Variants in TCF7L1 observed in about 807,000 individuals in gnomAD.
TCF7L1 encodes the protein transcription factor 7-like 1.
TCF7L1 carries 18 observed loss-of-function variants against 63.7 expected under a neutral mutation model. The observed-to-expected ratio is 0.28, with a 90% CI of 0.20 to 0.42. The LOEUF is 0.42. TCF7L1 is among the 10% of genes least tolerant of loss of function. The pLI, the probability that TCF7L1 is intolerant of heterozygous loss-of-function variation, is 1.00. For missense variants in TCF7L1, 654 were observed against 779.3 expected, an observed-to-expected ratio of 0.84 and a Z score of 1.91; for synonymous variants, 355 against 340.9, an observed-to-expected ratio of 1.04 and a Z score of -0.46.
Position 85,255,643 on chromosome 2 carries a change from C to T in TCF7L1, c.442-27852C>T, listed in dbSNP as rs114790924. Reference sequence around the variant, plus strand: ...TCTGCGAGGCCTGCCTAAGGCTGCCCTCTGCCTTCCCAGCCCTTCAGTCCC... The same window carrying T: ...TCTGCGAGGCCTGCCTAAGGCTGCCTTCTGCCTTCCCAGCCCTTCAGTCCC... On this transcript the variant is annotated intron_variant, in intron 3 of 11. Transcript: ENST00000282111. Among the ~76,000 whole-genome samples, 6 of 152,322 alleles carry T rather than the reference C, an allele frequency of 3.9e-5. No homozygotes were observed. In the East Asian group the frequency reaches 7.7e-4, roughly 20 times the overall value.
At chr2:85,224,011 C>A (rs911716475) in intron 3 of TCF7L1, among the ~76,000 whole-genome samples, 20 of 152,284 alleles carry the variant, frequency 1.3e-4, no homozygotes, top group Middle Eastern at 6.8e-3. Context: ...TTGTTCAACT[C>A]CCACCTATGA....
chr2:85,233,162 G>A (rs1680120744), intron 3 of TCF7L1: 1 of 151,980 alleles, frequency 6.6e-6, no homozygotes, highest in South Asian at 2.1e-4. Flanking sequence ...TTGAACTCCT[G>A]GGCTCAAGAG....
intron 3 of TCF7L1, among the ~76,000 whole-genome samples, chr2:85,267,613 C>T (rs1681008705): frequency 2.0e-5 from 3 of 147,566 alleles, no homozygotes; most frequent in Admixed American, 1.4e-4. Context: ...CGCACCATTG[C>T]ACTCCAACCT....
At chr2:85,273,690 G>A (rs1203778817) in intron 3 of TCF7L1, among the ~76,000 whole-genome samples, 2 of 152,212 alleles carry the variant, frequency 1.3e-5, no homozygotes, top group African/African-American at 4.8e-5. Context: ...GCGACACGGT[G>A]AGTGTTCAAG....
intron 3 of TCF7L1, among the ~76,000 whole-genome samples, chr2:85,216,260 CT>C (rs771590582): frequency 2.4e-4 from 36 of 152,108 alleles, no homozygotes; most frequent in Non-Finnish European, 4.1e-4. Flanking sequence ...CTCCGGGCAG[CT>C]TTTTTCCCCC....
chr2:85,239,116 G>A (rs540965924), intron 3 of TCF7L1, among the ~76,000 whole-genome samples: 1 of 152,236 alleles, frequency 6.6e-6, no homozygotes, highest in South Asian at 2.1e-4. Flanking sequence ...TAACTGTGTA[G>A]AATTTAACTG....
intron 3 of TCF7L1, among the ~76,000 whole-genome samples, chr2:85,254,142 C>G (rs1451691385): frequency 6.6e-6 from 1 of 152,274 alleles, no homozygotes; most frequent in African/African-American, 2.4e-5. Context: ...CTCGCATCAT[C>G]TCATTAGGGA....
At chr2:85,277,994 T>C (rs1035894671) in intron 3 of TCF7L1, among the ~76,000 whole-genome samples, 7 of 152,234 alleles carry the variant, frequency 4.6e-5, no homozygotes, top group African/African-American at 1.7e-4. Flanking sequence ...TTGGCAGTCC[T>C]GCCTCTGTAC....
chr2:85,237,447 G>A (rs1056679619), intron 3 of TCF7L1, among the ~76,000 whole-genome samples: 1 of 152,132 alleles, frequency 6.6e-6, no homozygotes, highest in African/African-American at 2.4e-5. Context: ...ACAGTGTGGA[G>A]CAGCTGCTCC....
intron 3 of TCF7L1, among the ~76,000 whole-genome samples, chr2:85,238,720 G>A (rs1450678207): frequency 6.6e-6 from 1 of 152,102 alleles, no homozygotes; most frequent in Non-Finnish European, 1.5e-5. Flanking sequence ...AGCACAGTGG[G>A]GTAGTATCTG....
In TCF7L1 at chr2:85,219,314, G is replaced by A. The variant is rs759390488; in HGVS notation, c.442-64181G>A. ...GTTTGTTAATAAATGACACATTTGC[G>A]TATTATATTGAGGAATGATTTGGCA... On this transcript the variant is annotated intron_variant, in intron 3 of 11. Coordinates refer to ENST00000282111, the MANE Select transcript of TCF7L1 (RefSeq NM_031283.3). Among the ~76,000 whole-genome samples, 4 of 152,138 alleles carry A rather than the reference G, an allele frequency of 2.6e-5. No homozygotes were observed. In the South Asian group the frequency reaches 6.2e-4, roughly 24 times the overall value.
rs66697146 is a variant in TCF7L1, at chr2:85,153,340, A to ATTTTTTTTTTTTTTTTTTTTTTTTTTTTT, written c.441+18909_441+18910insTTTTTTTTTTTTTTTTTTTTTTTTTTTTT. The stretch of plus-strand genomic sequence containing the variant: ...TTCATGATCTTGCTAGCCTTTATAA[A>ATTTTTTTTTTTTTTTTTTTTTTTTTTTTT]TTTTTTTTTTTTTTTTTTTGAGATG... On this transcript the variant is annotated intron_variant, in intron 3 of 11. Coordinates refer to ENST00000282111, the MANE Select transcript of TCF7L1 (RefSeq NM_031283.3). Among the ~76,000 whole-genome samples the ATTTTTTTTTTTTTTTTTTTTTTTTTTTTT allele has an allele frequency of 1.1e-4, 11 of 102,272 alleles. 1 individual carries two copies. The highest frequency in any genetic ancestry group is 4.2e-4 in the African/African-American group (10 of 23,754). 67.1% of individuals were successfully genotyped at this position (102,272 alleles called of 152,430 possible). A position where few individuals can be genotyped will look rare whatever the true frequency, so the allele number is the denominator to read the frequency against.
intron 3 of TCF7L1, among the ~76,000 whole-genome samples, chr2:85,254,303 T>C (rs1680656557): frequency 6.6e-6 from 1 of 152,264 alleles, no homozygotes; most frequent in Admixed American, 6.5e-5. Context: ...TTAGGGGGTC[T>C]TCTGAATTAT....
rs1682035855 is a variant in TCF7L1, at chr2:85,303,607, C to T, written c.659-288C>T. On this transcript the variant is annotated intron_variant, in intron 5 of 11. Coordinates refer to ENST00000282111, the MANE Select transcript of TCF7L1 (RefSeq NM_031283.3). ...CATTGGTCTTGTGGGTCCTGTCCCTCTCTTCCAGGACGCTGGCTTCTGTAT... is the reference window on the plus strand; with the variant it reads ...CATTGGTCTTGTGGGTCCTGTCCCTTTCTTCCAGGACGCTGGCTTCTGTAT... The T allele has an allele frequency of 1.2e-5, 4 of 322,400 alleles. No individual in the cohort carries two copies. The Admixed American group carries it at 1.5e-4, about 12-fold the overall frequency. 20.0% of individuals were successfully genotyped at this position (322,400 alleles called of 1,614,324 possible). A position where few individuals can be genotyped will look rare whatever the true frequency, so the allele number is the denominator to read the frequency against.
chr2:85,262,264 T>C, intron 3 of TCF7L1: 1 of 520,274 alleles, frequency 1.9e-6, no homozygotes, highest in South Asian at 1.4e-5. Context: ...ATGAGGTTGA[T>C]GGGCGCATCT....
At chr2:85,215,034 A>C (rs1679663624) in intron 3 of TCF7L1, among the ~76,000 whole-genome samples, 1 of 152,304 alleles carries the variant, frequency 6.6e-6, no homozygotes, top group African/African-American at 2.4e-5. Flanking sequence ...TCAAGAGAGT[A>C]ATTTGGAAAC....
chr2:85,139,594 TA>T (rs1677674998), intron 3 of TCF7L1, among the ~76,000 whole-genome samples: 1 of 152,204 alleles, frequency 6.6e-6, no homozygotes, highest in Non-Finnish European at 1.5e-5. Flanking sequence ...AACTGGTCCT[TA>T]AAACTCAGTC....
At chr2:85,172,567 T>C (rs372979254) in intron 3 of TCF7L1, among the ~76,000 whole-genome samples, 6 of 152,244 alleles carry the variant, frequency 3.9e-5, no homozygotes, top group Middle Eastern at 6.8e-3. Flanking sequence ...GCTGGGATTA[T>C]AGGCAGGTGC....
intron 3 of TCF7L1, among the ~76,000 whole-genome samples, chr2:85,150,917 A>G (rs1414769056): frequency 1.3e-5 from 2 of 152,130 alleles, no homozygotes; most frequent in East Asian, 3.9e-4. Flanking sequence ...CAGTTGCCAA[A>G]TTGATGATCA....
Sources: gnomAD v4.1 joint callset for allele counts (sites outside exome capture counted in the v4.1 genomes callset) on GRCh38, gnomAD v4.1.1 for gene constraint, MANE v1.5 for transcripts, NCBI Gene and HGNC (gene_info 2026-07-23, HGNC 2026-07-21) for gene names.